The following MTCL1 variants were observed in gnomAD, a reference collection of about 807,000 sequenced individuals.
The protein encoded by MTCL1 is microtubule crosslinking factor 1, also known as microtubule cross-linking factor 1.
A neutral mutation model predicts 141.4 loss-of-function variants in MTCL1; 79 were observed. The observed-to-expected ratio is 0.56, with a 90% CI of 0.47 to 0.67. The LOEUF is 0.67. MTCL1 is among the 30% of genes least tolerant of loss of function. The probability of loss-of-function intolerance (pLI) is 0.00; values close to 1 mark genes in which losing one functional copy is unlikely to be tolerated. For synonymous variants in MTCL1, 914 were observed against 875.8 expected, an observed-to-expected ratio of 1.04 and a Z score of -0.77; for missense variants, 2,177 against 2,113.9, an observed-to-expected ratio of 1.03 and a Z score of -0.59.
chr18:8,739,948 T>G (rs549532963), intron 4 of MTCL1, among the ~76,000 whole-genome samples: 44 of 152,166 alleles, frequency 2.9e-4, no homozygotes, highest in African/African-American at 2.4e-4. Flanking sequence ...GGCCAGGATG[T>G]TCTCAATCTC....
intron 10 of MTCL1, among the ~76,000 whole-genome samples, chr18:8,798,579 T>C (rs113349944): frequency 2.2e-4 from 34 of 152,294 alleles, no homozygotes; most frequent in African/African-American, 7.2e-4. Context: ...GGCCAGTGAA[T>C]TGACCTCAGA....
chr18:8,751,097 T>TGAATCATGCACACATCTTTTCCGCAC (rs1345894385), intron 4 of MTCL1, among the ~76,000 whole-genome samples: 2 of 152,216 alleles, frequency 1.3e-5, no homozygotes, highest in East Asian at 3.8e-4. Flanking sequence ...CATGTGTGCA[T>TGAATCATGCACACATCTTTTCCGCAC]GACTCATGCA....
intron 9 of MTCL1, among the ~76,000 whole-genome samples, chr18:8,797,219 C>G (rs1430788953): frequency 6.6e-6 from 1 of 152,140 alleles, no homozygotes; most frequent in Non-Finnish European, 1.5e-5. Flanking sequence ...AAAACTTTTG[C>G]TCTTCTTTCT....
intron 12 of MTCL1, among the ~76,000 whole-genome samples, chr18:8,814,413 A>T (rs2076585445): frequency 6.6e-6 from 1 of 152,220 alleles, no homozygotes; most frequent in African/African-American, 2.4e-5. Flanking sequence ...GACCACTTAC[A>T]CAAATGAGTC....
chr18:8,732,349 C>T (rs141565334), intron 4 of MTCL1, among the ~76,000 whole-genome samples: 23 of 152,190 alleles, frequency 1.5e-4, no homozygotes, highest in Non-Finnish European at 2.5e-4. Context: ...TGAGCTCAAA[C>T]AATCCTCCCA....
rs979530433 is a variant in MTCL1 at position 8,817,059 on chromosome 18, G to A, written c.2860-1904G>A. ...TATTTTTGAAATCCTACTTTACTGA[G>A]TTAGAAGGTGCTTGTTCATAGCCCT... On this transcript the variant is annotated intron_variant, in intron 12 of 16. Transcript: ENST00000359865. Among the ~76,000 whole-genome samples, 8 of 152,226 alleles carry A rather than the reference G, an allele frequency of 5.3e-5. 1 individual carries two copies. In the South Asian group the frequency reaches 1.5e-3, roughly 28 times the overall value.
intron 4 of MTCL1, among the ~76,000 whole-genome samples, chr18:8,735,912 T>TA (rs566573323): frequency 5.1e-4 from 78 of 152,248 alleles, no homozygotes; most frequent in East Asian, 1.5e-3. Flanking sequence ...TTTATATATA[T>TA]TTTTTTTAAC....
exon 1 of MTCL1, chr18:8,706,555 G>A (rs2096058979): frequency 1.4e-6 from 2 of 1,410,012 alleles, no homozygotes; most frequent in Non-Finnish European, 1.8e-6. Context: ...GCCCGGCGTG[G>A]CGGAGGATGT....
At chr18:8,757,567 ACAAT>A (rs1015881280) in intron 4 of MTCL1, among the ~76,000 whole-genome samples, 24 of 152,344 alleles carry the variant, frequency 1.6e-4, no homozygotes, top group East Asian at 3.9e-4. Context: ...GCTGTCACTG[ACAAT>A]CAGTCAGCAG....
At chr18:8,759,216 C>G (rs1317675880) in intron 4 of MTCL1, among the ~76,000 whole-genome samples, 1 of 152,246 alleles carries the variant, frequency 6.6e-6, no homozygotes, top group African/African-American at 2.4e-5. Flanking sequence ...CAAGCATGCC[C>G]TCTGCAGAGA....
chr18:8,744,569 A>G (rs758637250), intron 4 of MTCL1, among the ~76,000 whole-genome samples: 8 of 152,084 alleles, frequency 5.3e-5, no homozygotes, highest in Non-Finnish European at 7.4e-5. Flanking sequence ...ACTACGTCCC[A>G]TATTTTTTTA....
chr18:8,784,287 G>A (rs1300428447), exon 6 of MTCL1: 2 of 1,587,574 alleles, frequency 1.3e-6, no homozygotes, highest in Non-Finnish European at 1.7e-6. Context: ...AGTGATGCGG[G>A]CAAGAAGGAG....
At chr18:8,829,802 C>T in intron 16 of MTCL1, 1 of 985,252 alleles carries the variant, frequency 1.0e-6, no homozygotes, top group Non-Finnish European at 1.2e-6. Flanking sequence ...ATGCAGCGAC[C>T]ACAGTGGCTT....
intron 4 of MTCL1, among the ~76,000 whole-genome samples, chr18:8,730,952 T>G (rs2096247054): frequency 6.6e-6 from 1 of 152,162 alleles, no homozygotes; most frequent in Admixed American, 6.5e-5. Flanking sequence ...CTGCTTTTCT[T>G]AAAAATAATT....
intron 1 of MTCL1, 132 bp downstream of exon 1, chr18:8,706,845 G>C (rs1335607477): frequency 7.3e-7 from 1 of 1,377,046 alleles, no homozygotes; most frequent in Non-Finnish European, 9.4e-7. Flanking sequence ...TCCTACCCCC[G>C]CATTGTCAGG....
chr18:8,758,711 C>T (rs2096415094), intron 4 of MTCL1, among the ~76,000 whole-genome samples: 2 of 152,226 alleles, frequency 1.3e-5, no homozygotes. Flanking sequence ...GCTTTCTCAT[C>T]TCCCAAGGGC....
upstream of MTCL1, among the ~76,000 whole-genome samples, chr18:8,715,280 G>C (rs946777786): frequency 6.6e-6 from 1 of 152,196 alleles, no homozygotes; most frequent in African/African-American, 2.4e-5. Context: ...GGGCTCTCCA[G>C]TTGCAAAGTC....
intron 4 of MTCL1, among the ~76,000 whole-genome samples, chr18:8,738,351 G>C (rs2096284286): frequency 6.6e-6 from 1 of 152,140 alleles, no homozygotes; most frequent in Non-Finnish European, 1.5e-5. Context: ...GTTTACATGT[G>C]GTGGGAAACT....
At chr18:8,812,856 G>C in intron 11 of MTCL1, 123 bp from the exon 11 acceptor site, 1 of 1,248,498 alleles carries the variant, frequency 8.0e-7, no homozygotes, top group Middle Eastern at 2.0e-4. Flanking sequence ...TGTTTATACT[G>C]TGGGATTGGT....
Sources: allele counts gnomAD v4.1 joint callset (sites outside exome capture counted in the v4.1 genomes callset), GRCh38; gene constraint gnomAD v4.1.1; transcripts MANE v1.5; gene names NCBI Gene and HGNC (gene_info 2026-07-23, HGNC 2026-07-21).